Variants in GPRASP3 observed in about 807,000 individuals in gnomAD.
The protein encoded by GPRASP3 is G protein-coupled receptor associated sorting protein 3.
the GPRASP3 span, among the ~76,000 whole-genome samples, chrX:102,732,252 A>C: frequency 8.9e-6 from 1 of 112,145 alleles, no homozygotes; most frequent in Non-Finnish European, 1.9e-5. Flanking sequence ...ATGGTGGTTC[A>C]GTGGGTCTTG....
chrX:102,749,105 T>C, the GPRASP3 span: 1 of 1,212,054 alleles, frequency 8.3e-7, no homozygotes, highest in Non-Finnish European at 1.1e-6. Context: ...GTTAGGCCTG[T>C]AGCCAAGACC....
At chrX:102,725,859 T>G in the GPRASP3 span, among the ~76,000 whole-genome samples, 1 of 112,224 alleles carries the variant, frequency 8.9e-6, no homozygotes, top group South Asian at 3.6e-4. Flanking sequence ...CTTGTTTCTT[T>G]ATACCATGCA....
the GPRASP3 span, among the ~76,000 whole-genome samples, chrX:102,730,853 ACT>A: frequency 3.6e-5 from 4 of 111,764 alleles, no homozygotes. Flanking sequence ...TTATTGCATG[ACT>A]CAGCTTTCAG....
chrX:102,746,007 A>C, the GPRASP3 span: 2 of 111,801 alleles, frequency 1.8e-5, no homozygotes, highest in Non-Finnish European at 3.8e-5. Flanking sequence ...CGGTTCTTGC[A>C]GCATCCTGCG....
chrX:102,732,679 G>A, the GPRASP3 span, among the ~76,000 whole-genome samples: 3 of 112,116 alleles, frequency 2.7e-5, no homozygotes, highest in African/African-American at 6.5e-5. Flanking sequence ...TGTTTGGAAA[G>A]TAAACTTTAG....
chrX:102,723,587 G>A, the GPRASP3 span, among the ~76,000 whole-genome samples: 1 of 111,625 alleles, frequency 9.0e-6, no homozygotes, highest in African/African-American at 3.3e-5. Context: ...GTATGGTGTG[G>A]TATAATAGAG....
chrX:102,722,499 C>G, the GPRASP3 span, among the ~76,000 whole-genome samples: 5 of 111,987 alleles, frequency 4.5e-5, no homozygotes, highest in Non-Finnish European at 7.5e-5. Context: ...TTGATGAAAT[C>G]ATTGACCATT....
chrX:102,749,603 A>G, the GPRASP3 span: 1 of 1,211,502 alleles, frequency 8.3e-7, no homozygotes, highest in Non-Finnish European at 1.1e-6. Flanking sequence ...CAGCCTGTGT[A>G]TGAAATTAAT....
the GPRASP3 span, chrX:102,749,545 A>G: frequency 1.6e-5 from 19 of 1,209,801 alleles, no homozygotes; most frequent in Middle Eastern, 2.3e-4. Flanking sequence ...AGGAGATGAT[A>G]CTAGTTTTGA....
the GPRASP3 span, among the ~76,000 whole-genome samples, chrX:102,733,984 G>A: frequency 9.1e-6 from 1 of 109,990 alleles, no homozygotes; most frequent in African/African-American, 3.3e-5. Flanking sequence ...TGGCAGGGGC[G>A]GGGGTTACAA....
chrX:102,732,419 T>C, the GPRASP3 span, among the ~76,000 whole-genome samples: 1 of 111,500 alleles, frequency 9.0e-6, no homozygotes, highest in African/African-American at 3.3e-5. Flanking sequence ...CTCTTGAATA[T>C]TGAGAGGATG....
the GPRASP3 span, among the ~76,000 whole-genome samples, chrX:102,737,114 A>C: frequency 8.9e-6 from 1 of 112,099 alleles, no homozygotes; most frequent in Non-Finnish European, 1.9e-5. Flanking sequence ...AGAACAAAAA[A>C]CCTTTTTTTC....
At chrX:102,747,935 C>T in the GPRASP3 span, 2 of 111,636 alleles carry the variant, frequency 1.8e-5, no homozygotes, top group Non-Finnish European at 3.8e-5. Context: ...TGAGCACCCC[C>T]GTTGATTGGG....
At chrX:102,733,623 G>C in the GPRASP3 span, among the ~76,000 whole-genome samples, 1 of 107,030 alleles carries the variant, frequency 9.3e-6, no homozygotes. Flanking sequence ...GAAAAACAAA[G>C]GATCAGCAAC....
At chrX:102,749,017 A>T in the GPRASP3 span, 1 of 1,208,661 alleles carries the variant, frequency 8.3e-7, no homozygotes, top group Non-Finnish European at 1.1e-6. Context: ...TAAGAATAAG[A>T]CAAGAGCCCA....
the GPRASP3 span, among the ~76,000 whole-genome samples, chrX:102,729,369 GA>G: frequency 9.0e-6 from 1 of 111,657 alleles, no homozygotes; most frequent in East Asian, 2.8e-4. Flanking sequence ...AAACTCTTAT[GA>G]AAATCAAAGC....
chrX:102,730,823 A>AC, the GPRASP3 span, among the ~76,000 whole-genome samples: 2 of 102,782 alleles, frequency 1.9e-5, no homozygotes, highest in African/African-American at 8.2e-5. Context: ...CTTAGGAACA[A>AC]AAAAAAAAAG....
At chrX:102,725,641 C>T in the GPRASP3 span, among the ~76,000 whole-genome samples, 1 of 110,807 alleles carries the variant, frequency 9.0e-6, no homozygotes, top group African/African-American at 3.3e-5. Context: ...ATCCTCCTGC[C>T]TCAGCCCCGC....
At chrX:102,738,275 T>C in the GPRASP3 span, among the ~76,000 whole-genome samples, 24,850 of 111,354 alleles carry the variant, frequency 0.22, 3,335 homozygotes, top group African/African-American at 0.49. Flanking sequence ...AGGTGTCCTC[T>C]CTTTCTTCCT....
Sources: allele counts gnomAD v4.1 joint callset (sites outside exome capture counted in the v4.1 genomes callset), GRCh38; gene constraint gnomAD v4.1.1; transcripts MANE v1.5; gene names NCBI Gene and HGNC (gene_info 2026-07-23, HGNC 2026-07-21).